The following CACNA1A variants were observed in gnomAD, a reference collection of about 807,000 sequenced individuals.
The protein encoded by CACNA1A is voltage-dependent P/Q-type calcium channel subunit alpha-1A.
In CACNA1A, 57 loss-of-function variants were observed where a neutral mutation model predicts 262.4. The ratio of observed to expected loss-of-function variants is 0.22; its 90% CI spans 0.18 to 0.27. The LOEUF is 0.27. CACNA1A is among the 10% of genes least tolerant of loss of function. The pLI is 1.00. For synonymous variants in CACNA1A, 1,431 were observed against 1,419.3 expected (o/e 1.01, Z -0.18); for missense variants, 2,526 against 3,562.8 (o/e 0.71, Z 7.41).
At chr19:13,378,341 A>G (rs890271154) in intron 3 of CACNA1A, among the ~76,000 whole-genome samples, 1 of 152,252 alleles carries the variant, frequency 6.6e-6, no homozygotes, top group African/African-American at 2.4e-5. Flanking sequence ...TATGACATAA[A>G]CTTAGTTGAC....
chr19:13,470,776 A>G (rs1269427785), intron 1 of CACNA1A, among the ~76,000 whole-genome samples: 1 of 152,104 alleles, frequency 6.6e-6, no homozygotes, highest in Non-Finnish European at 1.5e-5. Context: ...ATCAGAGAGG[A>G]GGGGGAGTTG....
At chr19:13,402,873 CATATAT>C (rs71170507) in intron 3 of CACNA1A, among the ~76,000 whole-genome samples, 1,955 of 72,522 alleles carry the variant, frequency 0.027, 54 homozygotes, top group African/African-American at 0.067. Flanking sequence ...CACACACACA[CATATAT>C]ATATATATAT....
intron 1 of CACNA1A, among the ~76,000 whole-genome samples, chr19:13,479,840 A>C (rs894880703): frequency 6.6e-6 from 1 of 152,252 alleles, no homozygotes; most frequent in Non-Finnish European, 1.5e-5. Context: ...CAACAGAAAA[A>C]GTAAAGCTAA....
intron 1 of CACNA1A, among the ~76,000 whole-genome samples, chr19:13,459,848 T>C (rs575090530): frequency 6.6e-6 from 1 of 152,172 alleles, no homozygotes; most frequent in African/African-American, 2.4e-5. Flanking sequence ...AAGTCCACCA[T>C]GCAGCATGCA....
chr19:13,265,423 T>C (rs181912673), intron 24 of CACNA1A, among the ~76,000 whole-genome samples: 4 of 152,340 alleles, frequency 2.6e-5, no homozygotes, highest in Admixed American at 6.5e-5. Context: ...TTTTTTTCAT[T>C]TTTCAGGGAA....
rs192823615 is a variant in CACNA1A, at chr19:13,494,366, G to A, written c.293+11566C>T. Among the ~76,000 whole-genome samples, 37 of 152,336 alleles carry A rather than the reference G, an allele frequency of 2.4e-4. No homozygotes were observed. The East Asian group carries it at 6.5e-3, about 27-fold the overall frequency. Reference sequence around the variant, plus strand: ...GTAACTTTTGGGCTGAGACCTAAATGAAGAGAAGGAGTTAGCCATGGGGAG... The same window carrying A: ...GTAACTTTTGGGCTGAGACCTAAATAAAGAGAAGGAGTTAGCCATGGGGAG... On this transcript the variant is annotated intron_variant, in intron 1 of 46. Coordinates refer to ENST00000360228, the MANE Select transcript of CACNA1A (RefSeq NM_001127222.2).
chr19:13,503,124 C>T (rs1982583470), intron 1 of CACNA1A, among the ~76,000 whole-genome samples: 1 of 152,134 alleles, frequency 6.6e-6, no homozygotes, highest in African/African-American at 2.4e-5. Flanking sequence ...CACAAATGCC[C>T]ATCAACAGTA....
intron 38 of CACNA1A, among the ~76,000 whole-genome samples, chr19:13,216,190 G>C (rs536345400): frequency 1.3e-5 from 2 of 152,168 alleles, no homozygotes; most frequent in Admixed American, 6.5e-5. Context: ...AGTCATTAAA[G>C]CTCTCTGACG....
intron 3 of CACNA1A, among the ~76,000 whole-genome samples, chr19:13,436,655 G>A (rs773807692): frequency 6.6e-5 from 10 of 152,016 alleles, no homozygotes; most frequent in African/African-American, 1.4e-4. Context: ...AGTTCTACAC[G>A]AGGCTCTGTG....
At chr19:13,307,390 C>T (rs371983242) in intron 15 of CACNA1A, 32 of 168,318 alleles carry the variant, frequency 1.9e-4, no homozygotes, top group Admixed American at 8.5e-4. Flanking sequence ...TGTGCTACCA[C>T]GCCCGGCTAA....
chr19:13,229,401 C>T (rs1299073690), intron 36 of CACNA1A, among the ~76,000 whole-genome samples: 1 of 152,154 alleles, frequency 6.6e-6, no homozygotes, highest in East Asian at 1.9e-4. Context: ...TCAGATAAAG[C>T]CTCTGAGTGT....
intron 9 of CACNA1A, 94 bp from the exon 10 acceptor site, chr19:13,330,427 C>CT (rs2058447573): frequency 1.7e-5 from 15 of 884,798 alleles, no homozygotes; most frequent in Non-Finnish European, 1.6e-5. Context: ...TTAACTCTCA[C>CT]GGCAACTGTT....
At chr19:13,277,240 C>G (rs191741134) in intron 22 of CACNA1A, 112 bp from the exon 23 acceptor site, 1 of 715,566 alleles carries the variant, frequency 1.4e-6, no homozygotes, top group East Asian at 2.7e-5. Context: ...GAAGAGGAAA[C>G]ACAGCTGCTA....
At chr19:13,492,852 G>A (rs1001036546) in intron 1 of CACNA1A, among the ~76,000 whole-genome samples, 1 of 152,066 alleles carries the variant, frequency 6.6e-6, no homozygotes, top group Non-Finnish European at 1.5e-5. Context: ...ATGAATGAAT[G>A]AACGCACTCC....
chr19:13,234,376 G>GCC (rs35337256), intron 34 of CACNA1A, among the ~76,000 whole-genome samples: 32 of 90,938 alleles, frequency 3.5e-4, no homozygotes, highest in Admixed American at 4.2e-4. Flanking sequence ...AAAAAAAAAA[G>GCC]CCCCCCCAAA....
At position 13,241,564 on chromosome 19, in the gene CACNA1A, G is replaced by A; in HGVS notation, c.4950+3618C>T. ...GTTGAAGATGAGGGGGAGCGGGCGGGCGGGGGCAGTTGGGGAGGCGTGTTC... is the reference window on the plus strand; with the variant it reads ...GTTGAAGATGAGGGGGAGCGGGCGGACGGGGGCAGTTGGGGAGGCGTGTTC... On this transcript the variant is annotated intron_variant, in intron 31 of 46. Transcript: ENST00000360228. The surrounding 1 kb of genome is among the most constrained non-coding windows in gnomAD (Gnocchi z 4.0). The A allele has an allele frequency of 1.7e-6, 2 of 1,194,000 alleles. No individual in the cohort carries two copies. The highest frequency in any genetic ancestry group is 1.2e-6 in the Non-Finnish European group (1 of 831,878). 74.0% of individuals were successfully genotyped at this position (1,194,000 alleles called of 1,614,324 possible).
chr19:13,415,524 C>G (rs4926282), intron 3 of CACNA1A, among the ~76,000 whole-genome samples: 51,936 of 151,044 alleles, frequency 0.34, 9,362 homozygotes, highest in East Asian at 0.61. Flanking sequence ...GAGGATCACT[C>G]AAGGTTGGGA....
In CACNA1A at chr19:13,208,857, G is replaced by A. The variant is rs757715357; in HGVS notation, c.6679C>T (p.Arg2227Cys). 46 of 1,536,508 alleles carry A rather than the reference G, an allele frequency of 3.0e-5. No individual in the cohort carries two copies. In the South Asian group the frequency reaches 4.2e-4, roughly 14 times the overall value. The stretch of plus-strand genomic sequence containing the variant: ...TGGTCCGGCCGTTCCTGGGCATAGC[G>A]GTCCTTGTCGGGGGGCGGGGGATGG... ...HHHPPPPDKD[R>C]YAQERPDHGR... The change falls in exon 46 of 47, where the codon CGC (arginine) becomes TGC (cysteine). Residue 2227 changes from arginine (R) to cysteine (C), a missense_variant. Transcript: ENST00000360228.
At chr19:13,394,118 C>T (rs923680263) in intron 3 of CACNA1A, among the ~76,000 whole-genome samples, 8 of 152,050 alleles carry the variant, frequency 5.3e-5, no homozygotes, top group African/African-American at 1.7e-4. Flanking sequence ...TTGCTGTGGG[C>T]CAAGTCTTAT....
Sources: allele counts gnomAD v4.1 joint callset (sites outside exome capture counted in the v4.1 genomes callset), GRCh38; gene constraint gnomAD v4.1.1; non-coding constraint Gnocchi (gnomAD v3.1); transcripts MANE v1.5; gene names NCBI Gene and HGNC (gene_info 2026-07-23, HGNC 2026-07-21).